The following JPH3 variants were observed in gnomAD, a reference collection of about 807,000 sequenced individuals.
The protein encoded by JPH3 is junctophilin 3.
JPH3 carries 11 observed loss-of-function variants against 59.6 expected under a neutral mutation model. The ratio of observed to expected loss-of-function variants is 0.18; its 90% confidence interval spans 0.12 to 0.31. The LOEUF is 0.31. Ranked by LOEUF, JPH3 falls within the 10% of genes least tolerant of loss-of-function variation. The pLI is 1.00. For synonymous variants in JPH3, 673 were observed against 483.6 expected, an observed-to-expected ratio of 1.39 and a Z score of -5.14; for missense variants, 1,202 against 1,105.7, an observed-to-expected ratio of 1.09 and a Z score of -1.24.
intron 1 of JPH3, among the ~76,000 whole-genome samples, chr16:87,624,497 G>A (rs764054004): frequency 6.6e-5 from 10 of 152,226 alleles, no homozygotes; most frequent in Non-Finnish European, 1.3e-4. Flanking sequence ...CCACTTCTTC[G>A]TATCGCTGAG....
intron 2 of JPH3, among the ~76,000 whole-genome samples, chr16:87,662,057 A>G (rs2032721664): frequency 6.6e-6 from 1 of 152,224 alleles, no homozygotes; most frequent in Non-Finnish European, 1.5e-5. Context: ...TAACATTTCA[A>G]AATACTTGGT....
intron 2 of JPH3, among the ~76,000 whole-genome samples, chr16:87,646,541 G>A (rs72810158): frequency 0.016 from 2,445 of 152,290 alleles, 27 homozygotes; most frequent in Non-Finnish European, 0.022. Flanking sequence ...TGTTCCACAG[G>A]AAAATAAATA....
chr16:87,676,110 G>T (rs568045900), intron 2 of JPH3, among the ~76,000 whole-genome samples: 10 of 152,240 alleles, frequency 6.6e-5, no homozygotes, highest in Non-Finnish European at 1.3e-4. Context: ...CTAAAAACCA[G>T]TGAATTATAC....
intron 2 of JPH3, among the ~76,000 whole-genome samples, chr16:87,682,306 C>T (rs956428519): frequency 3.0e-4 from 46 of 152,162 alleles, no homozygotes; most frequent in Non-Finnish European, 1.2e-4. Context: ...TGTGTGGTTT[C>T]CAGGCTTAGC....
chr16:87,628,739 G>T (rs976820163), intron 1 of JPH3, among the ~76,000 whole-genome samples: 4 of 152,164 alleles, frequency 2.6e-5, no homozygotes, highest in African/African-American at 9.7e-5. Context: ...GTGGTGAGTG[G>T]CCTTGGAGGC....
At chr16:87,651,558 C>T (rs929908463) in intron 2 of JPH3, among the ~76,000 whole-genome samples, 1 of 152,162 alleles carries the variant, frequency 6.6e-6, no homozygotes, top group Non-Finnish European at 1.5e-5. Flanking sequence ...TGATTCCAGC[C>T]CTCATGGACG....
chr16:87,616,679 C>G (rs994323177), intron 1 of JPH3, among the ~76,000 whole-genome samples: 6 of 152,254 alleles, frequency 3.9e-5, no homozygotes, highest in African/African-American at 1.4e-4. Flanking sequence ...TCCTGTGCAA[C>G]TGATGACATG....
intron 2 of JPH3, among the ~76,000 whole-genome samples, chr16:87,682,680 C>T (rs567263318): frequency 9.3e-4 from 141 of 152,314 alleles, no homozygotes; most frequent in Admixed American, 2.0e-3. Flanking sequence ...GCCCAAGCTG[C>T]GGTGCTTTGT....
chr16:87,628,973 G>A (rs1181112505), intron 1 of JPH3, among the ~76,000 whole-genome samples: 2 of 152,154 alleles, frequency 1.3e-5, no homozygotes, highest in Non-Finnish European at 2.9e-5. Context: ...AGAGTTACTG[G>A]GTGTGGGGCT....
chr16:87,644,811 G>A lies in JPH3; in HGVS notation c.936G>A (p.Glu312=). ...VSQRSDGLKY[E]GEWASNRRHG... Reference sequence around the variant, plus strand: ...AGCGCTCGGACGGGCTCAAGTACGAGGGCGAGTGGGCCAGCAACCGGCGCC... The same window carrying A: ...AGCGCTCGGACGGGCTCAAGTACGAAGGCGAGTGGGCCAGCAACCGGCGCC... The change falls in exon 2 of 5, where the codon GAG becomes GAA. Residue 312 remains glutamate, a synonymous_variant. Coordinates refer to ENST00000284262, the MANE Select transcript of JPH3 (RefSeq NM_020655.4). 6.2e-7 allele frequency: 1 copy of A among 1,613,470 alleles called. No homozygotes were observed. Among genetic ancestry groups the A allele is most frequent in the Non-Finnish European group, 8.5e-7 (1 of 1,179,918 alleles).
intron 4 of JPH3, among the ~76,000 whole-genome samples, chr16:87,690,815 C>T (rs1382719365): frequency 6.6e-6 from 1 of 152,248 alleles, no homozygotes; most frequent in Non-Finnish European, 1.5e-5. Context: ...CCTGCGCTCC[C>T]CGCAACGTGC....
At chr16:87,689,594 T>C (rs1262221862) in intron 3 of JPH3, 52 bp from the exon 4 acceptor site, 3 of 1,583,736 alleles carry the variant, frequency 1.9e-6, no homozygotes, top group Non-Finnish European at 1.7e-6. Context: ...GCGGCCTCGC[T>C]GTGGAATGTG....
intron 1 of JPH3, among the ~76,000 whole-genome samples, chr16:87,633,071 G>A (rs563170065): frequency 1.3e-5 from 2 of 152,150 alleles, no homozygotes; most frequent in African/African-American, 4.8e-5. Flanking sequence ...TAATCACCTC[G>A]CTAGAGACTG....
At chr16:87,635,688 A>T (rs999439911) in intron 1 of JPH3, among the ~76,000 whole-genome samples, 33 of 152,170 alleles carry the variant, frequency 2.2e-4, no homozygotes, top group Non-Finnish European at 4.1e-4. Context: ...TGGCGGCCTC[A>T]TCTCATCCGC....
At chr16:87,639,599 TC>T (rs1265663772) in intron 1 of JPH3, among the ~76,000 whole-genome samples, 1 of 149,914 alleles carries the variant, frequency 6.7e-6, no homozygotes, top group African/African-American at 2.5e-5. Flanking sequence ...TCACTGCCTG[TC>T]CTCCCTCCTG....
In JPH3 at chr16:87,678,622, G is replaced by A. The variant is rs558591395; in HGVS notation, c.1161-5520G>A. Among the ~76,000 whole-genome samples the A allele has an allele frequency of 7.9e-5, 12 of 152,262 alleles. No homozygotes were observed. The South Asian group carries it at 2.5e-3, about 32-fold the overall frequency. ...CACTCTCTGTAGTGGGCTGAATGGT[G>A]TCCCCAAAAGCTAGGTCTGCCTGGC... On this transcript the variant is annotated intron_variant, in intron 2 of 4. Transcript: ENST00000284262.
intron 1 of JPH3, chr16:87,604,657 G>T (rs937535514): frequency 2.2e-5 from 26 of 1,160,536 alleles, no homozygotes; most frequent in Non-Finnish European, 2.8e-5. Context: ...CCGCCCGCTC[G>T]CTGCCTCCGA....
intron 1 of JPH3, among the ~76,000 whole-genome samples, chr16:87,624,432 G>A (rs1368190557): frequency 2.6e-5 from 4 of 152,176 alleles, no homozygotes; most frequent in Non-Finnish European, 5.9e-5. Context: ...TTTGTGTGTC[G>A]CTTCTGTTGC....
intron 1 of JPH3, among the ~76,000 whole-genome samples, chr16:87,622,722 C>A (rs955345823): frequency 1.4e-5 from 2 of 145,806 alleles, no homozygotes; most frequent in Admixed American, 1.4e-4. Flanking sequence ...GTCAGGGTCT[C>A]CTCCTGATAA....
Sources: allele counts gnomAD v4.1 joint callset (sites outside exome capture counted in the v4.1 genomes callset), GRCh38; gene constraint gnomAD v4.1.1; transcripts MANE v1.5; gene names NCBI Gene and HGNC (gene_info 2026-07-23, HGNC 2026-07-21).